Variants in REEP3 observed in about 807,000 individuals in gnomAD.
REEP3 encodes receptor expression-enhancing protein 3.
A neutral mutation model predicts 41.3 loss-of-function variants in REEP3; 20 were observed. The ratio of observed to expected loss-of-function variants is 0.48; its 90% CI spans 0.34 to 0.70. The LOEUF is 0.70. REEP3 is among the 30% of genes least tolerant of loss of function. REEP3 has a pLI of 0.01. For synonymous variants in REEP3, 104 were observed against 101.8 expected (o/e 1.02, Z -0.13); for missense variants, 271 against 308.8 (o/e 0.88, Z 0.92).
At chr10:63,569,775 C>G (rs189266304) in intron 2 of REEP3, among the ~76,000 whole-genome samples, 1 of 152,084 alleles carries the variant, frequency 6.6e-6, no homozygotes, top group African/African-American at 2.4e-5. Flanking sequence ...AACCCCGTCT[C>G]TACAAAAAAT....
chr10:63,620,733 A>G (rs1956346977), intron 7 of REEP3, 80 bp from the exon 8 acceptor site: 1 of 872,542 alleles, frequency 1.1e-6, no homozygotes, highest in Non-Finnish European at 1.7e-6. Flanking sequence ...AAAAATTACT[A>G]TGATTATGAA....
intron 2 of REEP3, among the ~76,000 whole-genome samples, chr10:63,580,058 T>C (rs899642649): frequency 3.3e-4 from 50 of 152,202 alleles, no homozygotes; most frequent in Admixed American, 2.0e-4. Flanking sequence ...AAACTAATTA[T>C]AAAAAATTGA....
chr10:63,586,501 T>A (rs1276005674), intron 2 of REEP3, among the ~76,000 whole-genome samples: 4 of 152,294 alleles, frequency 2.6e-5, no homozygotes, highest in African/African-American at 9.6e-5. Flanking sequence ...ATTTTTATTT[T>A]AAATGAAAAT....
intron 6 of REEP3, among the ~76,000 whole-genome samples, chr10:63,610,780 A>G (rs1956271762): frequency 6.6e-6 from 1 of 152,102 alleles, no homozygotes; most frequent in Admixed American, 6.6e-5. Context: ...GGCCAGGCAC[A>G]GTGACTCAGG....
intron 2 of REEP3, among the ~76,000 whole-genome samples, chr10:63,594,554 G>C (rs1364781435): frequency 2.0e-5 from 3 of 152,108 alleles, no homozygotes; most frequent in African/African-American, 7.2e-5. Context: ...CTTTGCTCCT[G>C]CTATCCCAAG....
intron 1 of REEP3, among the ~76,000 whole-genome samples, chr10:63,545,202 G>T (rs776749923): frequency 6.6e-5 from 10 of 151,996 alleles, no homozygotes; most frequent in Non-Finnish European, 1.0e-4. Flanking sequence ...AATATATTTA[G>T]ACATACATAT....
At chr10:63,554,443 C>T (rs891190422) in intron 1 of REEP3, among the ~76,000 whole-genome samples, 1 of 152,142 alleles carries the variant, frequency 6.6e-6, no homozygotes, top group Non-Finnish European at 1.5e-5. Context: ...ATATTGACAT[C>T]ATCGAACTGT....
intron 1 of REEP3, among the ~76,000 whole-genome samples, chr10:63,535,949 C>T (rs1185525409): frequency 6.6e-6 from 1 of 152,158 alleles, no homozygotes; most frequent in Non-Finnish European, 1.5e-5. Context: ...GACCCTACAA[C>T]AAACCATAGA....
At chr10:63,524,742 C>T (rs879473409) in intron 1 of REEP3, among the ~76,000 whole-genome samples, 2 of 152,192 alleles carry the variant, frequency 1.3e-5, no homozygotes, top group Non-Finnish European at 2.9e-5. Context: ...CCGCACCTGG[C>T]CCTGGATACC....
intron 1 of REEP3, among the ~76,000 whole-genome samples, chr10:63,546,610 A>C (rs964348986): frequency 2.0e-5 from 3 of 152,222 alleles, no homozygotes; most frequent in African/African-American, 7.2e-5. Context: ...TTATATCAAG[A>C]TTGATTATAA....
rs1219643570 is a variant in REEP3 at position 63,624,671 on chromosome 10, T to A, written c.*3802T>A. 1 of 152,144 alleles carries A rather than the reference T, an allele frequency of 6.6e-6. No homozygotes were observed. The highest frequency in any genetic ancestry group is 2.4e-5 in the African/African-American group (1 of 41,448). The allele number at this position is 152,144 out of a possible 1,614,324, so 9.4% of individuals were successfully genotyped here. On this transcript the variant is annotated 3_prime_UTR_variant, in exon 8 of 8. Transcript: ENST00000373758. Reference sequence around the variant, plus strand: ...GTGTTGATTAAATATATGCACACACTTAGGATTACAGATCACAGAGCAAAT... The same window carrying A: ...GTGTTGATTAAATATATGCACACACATAGGATTACAGATCACAGAGCAAAT...
At chr10:63,586,398 G>A (rs1341890988) in intron 2 of REEP3, among the ~76,000 whole-genome samples, 1 of 152,094 alleles carries the variant, frequency 6.6e-6, no homozygotes, top group Non-Finnish European at 1.5e-5. Flanking sequence ...AAAAGAACTT[G>A]CCTAATTATA....
intron 1 of REEP3, among the ~76,000 whole-genome samples, chr10:63,527,564 C>T (rs1955377623): frequency 6.6e-6 from 1 of 151,334 alleles, no homozygotes; most frequent in African/African-American, 2.4e-5. Context: ...GCCTGTAATC[C>T]CGGCTACTGT....
chr10:63,560,187 T>A (rs1955727385), intron 1 of REEP3, among the ~76,000 whole-genome samples: 2 of 152,144 alleles, frequency 1.3e-5, no homozygotes, highest in Admixed American at 1.3e-4. Flanking sequence ...CATACTATTC[T>A]ATTTCTACAT....
At chr10:63,569,815 G>T (rs527620620) in intron 2 of REEP3, among the ~76,000 whole-genome samples, 80 of 152,140 alleles carry the variant, frequency 5.3e-4, no homozygotes, top group African/African-American at 1.9e-3. Context: ...GGTGGCATAT[G>T]CCTGTAGTCC....
At chr10:63,575,186 G>A (rs566446933) in intron 2 of REEP3, among the ~76,000 whole-genome samples, 4 of 152,186 alleles carry the variant, frequency 2.6e-5, no homozygotes, top group African/African-American at 9.6e-5. Context: ...ATGCTAGGTT[G>A]GAAATCATTT....
At chr10:63,604,622 G>T (rs1289056006) in intron 5 of REEP3, among the ~76,000 whole-genome samples, 1 of 152,048 alleles carries the variant, frequency 6.6e-6, no homozygotes, top group Non-Finnish European at 1.5e-5. Context: ...GAATGGCTTT[G>T]AGGATATACA....
At chr10:63,540,611 C>T (rs1249002601) in intron 1 of REEP3, among the ~76,000 whole-genome samples, 3 of 152,166 alleles carry the variant, frequency 2.0e-5, no homozygotes, top group African/African-American at 7.2e-5. Flanking sequence ...AGAATTGGAA[C>T]ACCAGCCTTT....
At chr10:63,529,512 C>T (rs1955398975) in intron 1 of REEP3, among the ~76,000 whole-genome samples, 1 of 152,032 alleles carries the variant, frequency 6.6e-6, no homozygotes, top group African/African-American at 2.4e-5. Flanking sequence ...GGCTGGAGTA[C>T]AGTGCAGTGA....
Sources: gnomAD v4.1 joint callset for allele counts (sites outside exome capture counted in the v4.1 genomes callset) on GRCh38, gnomAD v4.1.1 for gene constraint, MANE v1.5 for transcripts, NCBI Gene and HGNC (gene_info 2026-07-23, HGNC 2026-07-21) for gene names.